The following KCNH3 variants were observed in gnomAD, a reference collection of about 807,000 sequenced individuals.
KCNH3 encodes voltage-gated inwardly rectifying potassium channel KCNH3.
Under a neutral mutation model 95.6 loss-of-function variants are expected in KCNH3, and 36 were observed. The observed-to-expected ratio is 0.38, with a 90% CI of 0.29 to 0.50. The LOEUF (loss-of-function observed/expected upper bound fraction) is 0.50. Among genes scored for constraint, KCNH3 ranks in the 20% least tolerant of loss-of-function variants. The pLI, the probability that KCNH3 is intolerant of heterozygous loss-of-function variation, is 0.95. For synonymous variants in KCNH3, 620 were observed against 646.3 expected (o/e 0.96, Z 0.62); for missense variants, 1,030 against 1,484.1 (o/e 0.69, Z 5.03).
In KCNH3 at chr12:49,554,267, C is replaced by A. The variant is rs370408063; in HGVS notation, c.1919-70C>A. 4.8e-4 allele frequency: 617 copies of A among 1,276,190 alleles called. 1 individual carries two copies. The African/African-American group carries it at 6.9e-3, about 14-fold the overall frequency. The allele number at this position is 1,276,190 out of a possible 1,614,324, so 79.1% of individuals were successfully genotyped here. A position where few individuals can be genotyped will look rare whatever the true frequency, so the allele number is the denominator to read the frequency against. On this transcript the variant is annotated intron_variant, in intron 10 of 14. Coordinates refer to ENST00000257981, the MANE Select transcript of KCNH3 (RefSeq NM_012284.3). Reference sequence around the variant, plus strand: ...CAGCTCTGAAGGGAATCTCAGCAACCTGCAGCCCCCTCTTCTCTCCTCATG... The same window carrying A: ...CAGCTCTGAAGGGAATCTCAGCAACATGCAGCCCCCTCTTCTCTCCTCATG...
Position 49,539,915 on chromosome 12 carries a change from G to T in KCNH3, c.76+423G>T, listed in dbSNP as rs1192338398. 6.6e-6 allele frequency among the ~76,000 whole-genome samples: 1 copy of T among 152,160 alleles called. No homozygotes were observed. Among genetic ancestry groups the T allele is most frequent in the Non-Finnish European group, 1.5e-5 (1 of 68,030 alleles). On this transcript the variant is annotated intron_variant, in intron 1 of 14. Transcript: ENST00000257981. The surrounding 1 kb of genome is among the most constrained non-coding windows in gnomAD (Gnocchi z 6.7). ...AAACACAGATTTAGAAAAGAGATTT[G>T]CAAACGGAGATAAGAGTAGGCGGCA...
Position 49,549,548 on chromosome 12 carries a change from C to A in KCNH3, c.1576C>A (p.Arg526Ser). ...SRTRDLRDYI[R>S]IHRIPKPLKQ... is the part of the protein sequence containing the mutation. ...CACGCGCGACCTGCGCGACTACATC[C>A]GCATCCACCGTATCCCCAAGCCCCT... The change falls in exon 9 of 15, where the codon CGC becomes AGC. Residue 526 changes from arginine (R) to serine (S), a missense_variant. By Grantham distance (110) the Arg-to-Ser change is moderately radical. Around this residue, in one of 9 missense-constraint regions of KCNH3, gnomAD observed 160 missense variants for 316.2 expected, o/e 0.51. Transcript: ENST00000257981. 6.2e-7 allele frequency: 1 copy of A among 1,613,606 alleles called. No homozygotes were observed.
intron 7 of KCNH3, among the ~76,000 whole-genome samples, chr12:49,547,564 C>T (rs1938102034): frequency 6.6e-6 from 1 of 152,230 alleles, no homozygotes; most frequent in Non-Finnish European, 1.5e-5. Flanking sequence ...TAGTTCTGGC[C>T]CTATGTCACC....
chr12:49,546,456 G>A (rs949755099), intron 7 of KCNH3, among the ~76,000 whole-genome samples: 2 of 152,068 alleles, frequency 1.3e-5, no homozygotes, highest in Non-Finnish European at 2.9e-5. Flanking sequence ...GTGGGGGGGT[G>A]GGCAGCTGGC....
At chr12:49,550,813 A>G (rs902177728) in intron 10 of KCNH3, among the ~76,000 whole-genome samples, 1 of 152,108 alleles carries the variant, frequency 6.6e-6, no homozygotes, top group Non-Finnish European at 1.5e-5. Context: ...AGTCAGGGAG[A>G]CTCATTCTGA....
In KCNH3 at chr12:49,554,397, C is replaced by T; in HGVS notation, c.1979C>T (p.Ala660Val). Residue 660 changes from alanine (A) to valine (V), a missense_variant, in exon 11 of 15, where the codon GCC (alanine) becomes GTC (valine). Around this residue, in one of 9 missense-constraint regions of KCNH3, gnomAD observed 160 missense variants for 316.2 expected, o/e 0.51. Coordinates refer to ENST00000257981, the MANE Select transcript of KCNH3 (RefSeq NM_012284.3). ...CGGGAGCAGGTGGTAAAGGCCAATG[C>T]CGACGTGAAGGGGCTGACGTACTGC... ...PRREQVVKAN[A>V]DVKGLTYCVL... 1 of 1,613,226 alleles carries T rather than the reference C, an allele frequency of 6.2e-7. No individual in the cohort carries two copies.
chr12:49,542,371 G>A (rs1379829631), intron 3 of KCNH3, among the ~76,000 whole-genome samples: 1 of 152,202 alleles, frequency 6.6e-6, no homozygotes, highest in Non-Finnish European at 1.5e-5. Flanking sequence ...CACCTCTGCT[G>A]ACGGCCTCCT....
At chr12:49,548,621 G>A (rs1336682182) in intron 7 of KCNH3, among the ~76,000 whole-genome samples, 3 of 152,172 alleles carry the variant, frequency 2.0e-5, no homozygotes, top group Admixed American at 1.3e-4. Context: ...CAGGCCCTCC[G>A]ACTGGGCCCG....
intron 10 of KCNH3, 51 bp from the exon 11 acceptor site, chr12:49,554,283 TCTC>T (rs1328097405): frequency 5.5e-6 from 8 of 1,442,144 alleles, no homozygotes; most frequent in Non-Finnish European, 7.8e-6. Flanking sequence ...CCCCCTCTTC[TCTC>T]CTCATGGCTG....
At position 49,557,916 on chromosome 12, in the gene KCNH3, C is replaced by T. The variant is rs374731442; in HGVS notation, c.3215C>T (p.Thr1072Ile). The change falls in exon 15 of 15, where the codon ACA (threonine) becomes ATA (isoleucine). Residue 1072 changes from threonine (T) to isoleucine (I), a missense_variant. By Grantham distance (89) the Thr-to-Ile change is moderately conservative (BLOSUM62 -1). Around this residue, in one of 9 missense-constraint regions of KCNH3, gnomAD observed 464 missense variants for 493.2 expected, o/e 0.94. Transcript: ENST00000257981. ...MVLIGCHGSGTVQWTQEEGTG... is the reference protein window; with the variant it reads ...MVLIGCHGSGIVQWTQEEGTG... ...CTTATTGGCTGCCATGGCTCTGGCACAGTCCAGTGGACCCAGGAAGAAGGC... is the reference window on the plus strand; with the variant it reads ...CTTATTGGCTGCCATGGCTCTGGCATAGTCCAGTGGACCCAGGAAGAAGGC... The T allele has an allele frequency of 6.6e-7, 1 of 1,525,902 alleles. No homozygotes were observed. Among genetic ancestry groups the T allele is most frequent in the Non-Finnish European group, 8.8e-7 (1 of 1,136,980 alleles). The allele number at this position is 1,525,902 out of a possible 1,614,324, so 94.5% of individuals were successfully genotyped here.
intron 13 of KCNH3, 25 bp from the exon 14 acceptor site, chr12:49,557,158 G>A (rs1337639838): frequency 1.9e-6 from 3 of 1,613,394 alleles, no homozygotes; most frequent in Non-Finnish European, 2.5e-6. Context: ...AGCCCCAGCT[G>A]ATAACCCCAT....
intron 3 of KCNH3, 55 bp downstream of exon 3, chr12:49,541,819 G>A: frequency 6.3e-7 from 1 of 1,596,990 alleles, no homozygotes; most frequent in Non-Finnish European, 8.5e-7. Context: ...GCCCGGGCGG[G>A]GCCTTGGCAC....
intron 8 of KCNH3, 34 bp downstream of exon 8, chr12:49,549,207 C>G: frequency 6.5e-7 from 1 of 1,550,116 alleles, no homozygotes; most frequent in Non-Finnish European, 8.7e-7. Flanking sequence ...CCCGGGGCCA[C>G]TCCCAGACTT....
At position 49,556,501 on chromosome 12, in the gene KCNH3, G is replaced by A. The variant is rs779400456; in HGVS notation, c.2575+25G>A. 9 of 1,528,526 alleles carry A rather than the reference G, an allele frequency of 5.9e-6. No individual in the cohort carries two copies. The African/African-American group carries it at 9.6e-5, about 16-fold the overall frequency. The allele number at this position is 1,528,526 out of a possible 1,614,324, so 94.7% of individuals were successfully genotyped here. A position where few individuals can be genotyped will look rare whatever the true frequency, so the allele number is the denominator to read the frequency against. On this transcript the variant is annotated intron_variant, in intron 13 of 14. Coordinates refer to ENST00000257981, the MANE Select transcript of KCNH3 (RefSeq NM_012284.3). ...GGTACCAGGGCCCCGGGATGGTCTA[G>A]GTTGGTGGGGCAGCCCCTTTGCCTT...
intron 11 of KCNH3, among the ~76,000 whole-genome samples, chr12:49,555,015 G>A (rs987353216): frequency 2.0e-5 from 3 of 152,112 alleles, no homozygotes; most frequent in Non-Finnish European, 2.9e-5. Context: ...TTTTAGCGCC[G>A]CATTCTCTTG....
chr12:49,550,679 C>G (rs1184751315), intron 10 of KCNH3, among the ~76,000 whole-genome samples: 2 of 151,994 alleles, frequency 1.3e-5, no homozygotes, highest in Non-Finnish European at 2.9e-5. Flanking sequence ...TCAGGCAGGG[C>G]TAAAAAGGGG....
Position 49,539,307 on chromosome 12 carries a change from T to C in KCNH3, c.-110T>C, listed in dbSNP as rs929312423. The C allele has an allele frequency of 1.7e-5, 9 of 541,524 alleles. No homozygotes were observed. The highest frequency in any genetic ancestry group is 2.4e-5 in the Non-Finnish European group (9 of 368,302). The allele number at this position is 541,524 out of a possible 1,614,324, so 33.5% of individuals were successfully genotyped here. A position where few individuals can be genotyped will look rare whatever the true frequency, so the allele number is the denominator to read the frequency against. On this transcript the variant is annotated 5_prime_UTR_variant, in exon 1 of 15. Transcript: ENST00000257981. This position sits in a 1 kb window ranked among gnomAD's most constrained non-coding sequence, Gnocchi z 6.7. ...GGTCTGCGCATTGCCCCCCGACGGC[T>C]GCGCTAGGGAGCGCGGGGCCCGGCG...
In KCNH3 at chr12:49,549,334, C is replaced by T. The variant is rs1429908508; in HGVS notation, c.1469-107C>T. 2.0e-6 allele frequency: 3 copies of T among 1,474,520 alleles called. No individual in the cohort carries two copies. In the East Asian group the frequency reaches 6.9e-5, roughly 34 times the overall value. 91.3% of individuals were successfully genotyped at this position (1,474,520 alleles called of 1,614,324 possible). ...GGGGGAGACTTCGCCCGCACAGCGG[C>T]CTTCAGGCCTTGCCTAGGAGCGTGC... On this transcript the variant is annotated intron_variant, in intron 8 of 14. Transcript: ENST00000257981.
intron 10 of KCNH3, 55 bp downstream of exon 10, chr12:49,550,384 C>A: frequency 6.5e-7 from 1 of 1,538,622 alleles, no homozygotes. Flanking sequence ...GACCATGGCC[C>A]TGATCTGTGG....
Sources: allele counts gnomAD v4.1 joint callset (sites outside exome capture counted in the v4.1 genomes callset), GRCh38; gene constraint gnomAD v4.1.1; regional missense constraint gnomAD v4.1.1; non-coding constraint Gnocchi (gnomAD v3.1); transcripts MANE v1.5; gene names NCBI Gene and HGNC (gene_info 2026-07-23, HGNC 2026-07-21).